The following NCOR2 variants were observed in gnomAD, a reference collection of about 807,000 sequenced individuals.
The protein encoded by NCOR2 is nuclear receptor corepressor 2.
NCOR2 carries 81 observed loss-of-function variants against 262.9 expected under a neutral mutation model. The observed-to-expected ratio is 0.31, with a 90% CI of 0.26 to 0.37. The LOEUF (loss-of-function observed/expected upper bound fraction) is 0.37, where lower values mean the gene tolerates loss of function less well. Among genes scored for constraint, NCOR2 ranks in the 10% least tolerant of loss-of-function variants. The pLI is 1.00. For missense variants in NCOR2, 3,385 were observed against 3,621.4 expected, an observed-to-expected ratio of 0.93 and a Z score of 1.68; for synonymous variants, 1,659 against 1,559.3, an observed-to-expected ratio of 1.06 and a Z score of -1.51.
chr12:124,441,084 T>TGTGAAGGCCTAGAAGCA (rs570045093), intron 7 of NCOR2, among the ~76,000 whole-genome samples: 70 of 152,188 alleles, frequency 4.6e-4, no homozygotes, highest in Admixed American at 2.5e-3. Flanking sequence ...AAAAGACAGC[T>TGTGAAGGCCTAGAAGCA]GTGAAGGCCT....
intron 13 of NCOR2, among the ~76,000 whole-genome samples, chr12:124,410,079 A>G (rs1317734204): frequency 6.6e-6 from 1 of 151,004 alleles, no homozygotes; most frequent in Non-Finnish European, 1.5e-5. Flanking sequence ...GCCGCCTGTG[A>G]GCCTGCCAGG....
At chr12:124,394,951 C>T (rs940406226) in intron 16 of NCOR2, among the ~76,000 whole-genome samples, 1 of 152,146 alleles carries the variant, frequency 6.6e-6, no homozygotes, top group African/African-American at 2.4e-5. Context: ...GGGGTTGAGA[C>T]CTGGTTTCTC....
intron 20 of NCOR2, among the ~76,000 whole-genome samples, chr12:124,367,082 C>A (rs996942369): frequency 6.6e-6 from 1 of 152,116 alleles, no homozygotes; most frequent in Non-Finnish European, 1.5e-5. Context: ...TTATAACACA[C>A]ACAAAACATG....
chr12:124,544,409 C>T (rs1336472501), intron 1 of NCOR2, among the ~76,000 whole-genome samples: 1 of 152,234 alleles, frequency 6.6e-6, no homozygotes, highest in African/African-American at 2.4e-5. Flanking sequence ...GGCTGCCCGC[C>T]CAGGAGCAGG....
At chr12:124,325,182 CCT>C (rs754926999) in exon 47 of NCOR2, 11 of 380,106 alleles carry the variant, frequency 2.9e-5, no homozygotes, top group African/African-American at 4.2e-5. Context: ...GTAAACATCC[CCT>C]GAGTAAGGTC....
At chr12:124,524,344 T>A (rs2050345397) in intron 1 of NCOR2, among the ~76,000 whole-genome samples, 1 of 152,226 alleles carries the variant, frequency 6.6e-6, no homozygotes, top group African/African-American at 2.4e-5. Flanking sequence ...TGTGTCTGAG[T>A]TTGGGACATC....
At chr12:124,484,424 A>G (rs1807407115) in intron 2 of NCOR2, among the ~76,000 whole-genome samples, 1 of 152,156 alleles carries the variant, frequency 6.6e-6, no homozygotes, top group African/African-American at 2.4e-5. Context: ...TGCCTAACTA[A>G]GCACACCCCA....
chr12:124,476,554 T>C (rs1162489820), intron 3 of NCOR2, among the ~76,000 whole-genome samples: 3 of 152,008 alleles, frequency 2.0e-5, no homozygotes, highest in Non-Finnish European at 4.4e-5. Context: ...AAAGCAACAT[T>C]AACAAAAAGA....
exon 46 of NCOR2, chr12:124,326,363 G>A (rs536482449): frequency 1.5e-5 from 23 of 1,490,482 alleles, no homozygotes; most frequent in Middle Eastern, 3.6e-4. Flanking sequence ...TGGCCTTCCC[G>A]CCGCCACCTG....
rs1300561083 is a variant in NCOR2 at position 124,517,441 on chromosome 12, G to C, written c.-118+18124C>G. ...GTTTATCCCGGCTCCTCGCTGCCAA[G>C]TCCCTGGGCAAGCCTGGGCCGGTGG... On this transcript the variant is annotated intron_variant, in intron 1 of 46. Transcript: ENST00000404621. This position sits in a 1 kb window ranked among gnomAD's most constrained non-coding sequence, Gnocchi z 7.6. 2.0e-5 allele frequency among the ~76,000 whole-genome samples: 3 copies of C among 152,228 alleles called. No homozygotes were observed. Among genetic ancestry groups the C allele is most frequent in the Non-Finnish European group, 2.9e-5 (2 of 68,036 alleles).
chr12:124,463,043 C>T (rs2046249292), intron 5 of NCOR2, among the ~76,000 whole-genome samples: 1 of 152,208 alleles, frequency 6.6e-6, no homozygotes, highest in African/African-American at 2.4e-5. Flanking sequence ...GTCGACCTAG[C>T]TCAAGGCCCG....
At chr12:124,456,570 G>A (rs938817257) in intron 6 of NCOR2, among the ~76,000 whole-genome samples, 3 of 152,210 alleles carry the variant, frequency 2.0e-5, no homozygotes, top group Non-Finnish European at 2.9e-5. Flanking sequence ...CAAGGCAGGC[G>A]CGGCACCCGA....
intron 1 of NCOR2, among the ~76,000 whole-genome samples, chr12:124,563,704 G>A (rs1348879521): frequency 6.6e-6 from 1 of 152,260 alleles, no homozygotes; most frequent in African/African-American, 2.4e-5. Flanking sequence ...AAATTTGCAT[G>A]AATGTTTCAG....
At chr12:124,369,504 C>T in intron 20 of NCOR2, among the ~76,000 whole-genome samples, 1 of 152,014 alleles carries the variant, frequency 6.6e-6, no homozygotes, top group Non-Finnish European at 1.5e-5. Context: ...TCCCGGGAGG[C>T]CCTGGCTGCC....
At chr12:124,545,698 T>C (rs2051520579) in intron 1 of NCOR2, among the ~76,000 whole-genome samples, 1 of 151,948 alleles carries the variant, frequency 6.6e-6, no homozygotes, top group African/African-American at 2.4e-5. Context: ...CAGCAGAAAC[T>C]GAAACAGCCC....
At chr12:124,422,656 C>T in intron 11 of NCOR2, 101 bp from the exon 14 acceptor site, 1 of 1,389,324 alleles carries the variant, frequency 7.2e-7, no homozygotes, top group Admixed American at 1.9e-5. Flanking sequence ...CTGGCCGGGC[C>T]TGGCGGGCAC....
chr12:124,470,389 C>A (rs2046770859), intron 4 of NCOR2, among the ~76,000 whole-genome samples: 1 of 152,152 alleles, frequency 6.6e-6, no homozygotes, highest in Non-Finnish European at 1.5e-5. Flanking sequence ...GGTGTCCCAA[C>A]AAAAACTTCA....
intron 44 of NCOR2, 45 bp downstream of exon 46, chr12:124,330,800 C>A (rs367792001): frequency 4.5e-6 from 7 of 1,547,936 alleles, no homozygotes; most frequent in Non-Finnish European, 5.3e-6. Flanking sequence ...GGGGAGGGAG[C>A]GGAGGGGACC....
At chr12:124,358,493 C>T (rs546199205) in intron 22 of NCOR2, among the ~76,000 whole-genome samples, 2 of 152,274 alleles carry the variant, frequency 1.3e-5, no homozygotes, top group East Asian at 3.9e-4. Context: ...ACAACCACAG[C>T]GTCAGCCTCA....
Sources: gnomAD v4.1 joint callset for allele counts (sites outside exome capture counted in the v4.1 genomes callset) on GRCh38, gnomAD v4.1.1 for gene constraint, Gnocchi (gnomAD v3.1) non-coding constraint, MANE v1.5 for transcripts, NCBI Gene and HGNC (gene_info 2026-07-23, HGNC 2026-07-21) for gene names.